TIMM23B: variants seen among roughly 807,000 people sequenced by gnomAD.
The protein encoded by TIMM23B is mitochondrial import inner membrane translocase subunit Tim23B.
In TIMM23B, 27 loss-of-function variants were observed where a neutral mutation model predicts 27.3. The observed-to-expected ratio is 0.99, with a 90% confidence interval of 0.73 to 1.36. TIMM23B has a LOEUF of 1.36. TIMM23B is among the 40% of genes most tolerant of loss of function. TIMM23B has a pLI of 0.00. For missense variants in TIMM23B, 205 were observed against 244.2 expected, an observed-to-expected ratio of 0.84 and a Z score of 1.07; for synonymous variants, 73 against 92.4, an observed-to-expected ratio of 0.79 and a Z score of 1.21.
chr10:49,952,136 A>T lies in TIMM23B; in HGVS notation c.176A>T (p.Glu59Val). Residue 59 changes from glutamate (E) to valine (V), a missense_variant, in exon 3 of 7, where the codon GAG (glutamate) becomes GTG (valine). Transcript: ENST00000651259. Reference protein sequence around the residue: ...DPRYLVQDTDEFILPTGANKT... With the variant: ...DPRYLVQDTDVFILPTGANKT... The stretch of plus-strand genomic sequence containing the variant: ...TTATTATCCTTTTAGGATACAGATG[A>T]GTTCATTTTACCTACCGGAGCTAAT... The T allele has an allele frequency of 6.3e-7, 1 of 1,597,620 alleles. No individual in the cohort carries two copies. The highest frequency in any genetic ancestry group is 8.6e-7 in the Non-Finnish European group (1 of 1,164,958).
intron 6 of TIMM23B, among the ~76,000 whole-genome samples, chr10:49,966,119 G>GA (rs1840144524): frequency 6.8e-6 from 1 of 146,784 alleles, no homozygotes; most frequent in Non-Finnish European, 1.5e-5. Flanking sequence ...ATAATGAAAT[G>GA]AATAATGAAA....
At chr10:49,960,257 C>G (rs1254791924) in intron 6 of TIMM23B, among the ~76,000 whole-genome samples, 4 of 150,382 alleles carry the variant, frequency 2.7e-5, no homozygotes, top group Non-Finnish European at 5.9e-5. Flanking sequence ...CACTATGTTG[C>G]CCAGGCTGGT....
chr10:49,954,558 G>T (rs1839649998), intron 4 of TIMM23B: 1 of 161,984 alleles, frequency 6.2e-6, no homozygotes, highest in South Asian at 1.8e-4. Flanking sequence ...CTAAGCATAT[G>T]TTCCCCTCCC....
At chr10:49,950,574 G>T (rs1333188531) in intron 2 of TIMM23B, among the ~76,000 whole-genome samples, 2 of 135,326 alleles carry the variant, frequency 1.5e-5, no homozygotes, top group African/African-American at 5.6e-5. Context: ...ATGGAGTCTC[G>T]CTCTGTCACC....
chr10:49,943,521 C>CT (rs1309429030), intron 1 of TIMM23B, among the ~76,000 whole-genome samples: 1 of 151,984 alleles, frequency 6.6e-6, no homozygotes, highest in Non-Finnish European at 1.5e-5. Context: ...TGAGCTACTA[C>CT]TTTACCTGTT....
At chr10:49,945,170 A>G in intron 2 of TIMM23B, 80 bp downstream of exon 2, 3 of 1,438,638 alleles carry the variant, frequency 2.1e-6, no homozygotes, top group Non-Finnish European at 2.9e-6. Context: ...GACTTGAACT[A>G]TGACATACAC....
At chr10:49,957,666 T>C (rs2133077016) in intron 5 of TIMM23B, among the ~76,000 whole-genome samples, 1 of 152,280 alleles carries the variant, frequency 6.6e-6, no homozygotes, top group South Asian at 2.1e-4. Context: ...TGGGGTGCAC[T>C]AGCCTCCTGA....
At position 49,956,554 on chromosome 10, in the gene TIMM23B, G is replaced by A. The variant is rs1839733311; in HGVS notation, c.403+1494G>A. Among the ~76,000 whole-genome samples the A allele has an allele frequency of 3.4e-5, 5 of 145,158 alleles. 1 individual carries two copies. Among genetic ancestry groups the A allele is most frequent in the South Asian group, 2.2e-4 (1 of 4,496 alleles). ...AATATTCTTCCTGAGACTTCCTAGC[G>A]GTACTTTCTAGAAATAGCTATTGAT... On this transcript the variant is annotated intron_variant, in intron 5 of 6. Transcript: ENST00000651259.
intron 5 of TIMM23B, among the ~76,000 whole-genome samples, chr10:49,956,426 C>CGTGTGT (rs1173703740): frequency 0.015 from 1,746 of 113,942 alleles, 47 homozygotes; most frequent in African/African-American, 0.037. Flanking sequence ...ACTAGAAATA[C>CGTGTGT]GTGTGTGTGT....
chr10:49,942,189 G>A lies in TIMM23B; in HGVS notation c.-6G>A. ...CGGCGGGAACCACTCGGTTTGCTGC[G>A]ATACCATGGAAGGAGGCGGGGGAAG... On this transcript the variant is annotated 5_prime_UTR_variant, in exon 1 of 7. Transcript: ENST00000651259. 6.3e-7 allele frequency: 1 copy of A among 1,595,052 alleles called. No homozygotes were observed. The highest frequency in any genetic ancestry group is 1.1e-5 in the South Asian group (1 of 89,136).
chr10:49,966,207 A>C (rs1280329386), intron 6 of TIMM23B, among the ~76,000 whole-genome samples: 2 of 151,536 alleles, frequency 1.3e-5, no homozygotes, highest in Non-Finnish European at 1.5e-5. Flanking sequence ...TGAAATGATG[A>C]AATGAATAAT....
intron 4 of TIMM23B, among the ~76,000 whole-genome samples, chr10:49,954,733 C>A (rs1839657085): frequency 6.9e-6 from 1 of 145,036 alleles, no homozygotes; most frequent in Non-Finnish European, 1.5e-5. Context: ...AAGAGTTTTC[C>A]TTATTATTAT....
chr10:49,965,246 A>G (rs1315308049), intron 6 of TIMM23B, among the ~76,000 whole-genome samples: 1 of 151,378 alleles, frequency 6.6e-6, no homozygotes, highest in African/African-American at 2.4e-5. Context: ...ACATGATGAA[A>G]TGAAATAATG....
chr10:49,955,247 G>T, intron 5 of TIMM23B, among the ~76,000 whole-genome samples, 187 bp downstream of exon 5: 1 of 152,258 alleles, frequency 6.6e-6, no homozygotes, highest in Non-Finnish European at 1.5e-5. Context: ...AATAATCTCA[G>T]GTGCTGATAC....
chr10:49,960,296 C>T (rs1374218029), intron 6 of TIMM23B, among the ~76,000 whole-genome samples: 3 of 150,224 alleles, frequency 2.0e-5, no homozygotes, highest in African/African-American at 7.3e-5. Flanking sequence ...AGCAGTCATC[C>T]TGCCTCAGCC....
chr10:49,953,983 A>G (rs1203097889), intron 4 of TIMM23B, among the ~76,000 whole-genome samples: 6 of 152,216 alleles, frequency 3.9e-5, no homozygotes, highest in African/African-American at 1.2e-4. Context: ...TCTTAAAACA[A>G]GTTATTAAAA....
At chr10:49,942,520 C>T (rs1839157354) in intron 1 of TIMM23B, among the ~76,000 whole-genome samples, 1 of 152,124 alleles carries the variant, frequency 6.6e-6, no homozygotes, top group African/African-American at 2.4e-5. Flanking sequence ...CCGTGATTGA[C>T]CTGGACTCGC....
chr10:49,962,067 C>CT, intron 6 of TIMM23B, among the ~76,000 whole-genome samples: 1 of 151,992 alleles, frequency 6.6e-6, no homozygotes, highest in East Asian at 1.9e-4. Context: ...GCATTAACAT[C>CT]TCAGTATGTG....
chr10:49,969,436 C>CAAAAAAA (rs533041097), intron 6 of TIMM23B, among the ~76,000 whole-genome samples: 1 of 74,762 alleles, frequency 1.3e-5, no homozygotes, highest in Non-Finnish European at 2.6e-5. Context: ...GACCCTGTGT[C>CAAAAAAA]AAAAAAAAAA....
Sources: gnomAD v4.1 joint callset for allele counts (sites outside exome capture counted in the v4.1 genomes callset) on GRCh38, gnomAD v4.1.1 for gene constraint, MANE v1.5 for transcripts, NCBI Gene and HGNC (gene_info 2026-07-23, HGNC 2026-07-21) for gene names.